The following CAST variants were observed in gnomAD, a reference collection of about 807,000 sequenced individuals.
CAST encodes the protein calpastatin, also known as MIR583 host.
A neutral mutation model predicts 119.6 loss-of-function variants in CAST; 76 were observed. The ratio of observed to expected loss-of-function variants is 0.64; its 90% CI spans 0.53 to 0.77. The LOEUF (loss-of-function observed/expected upper bound fraction) is 0.77. CAST is among the 30% of genes least tolerant of loss of function. The probability of loss-of-function intolerance (pLI) is 0.00; values close to 1 mark genes in which losing one functional copy is unlikely to be tolerated. For synonymous variants in CAST, 319 were observed against 331.6 expected (o/e 0.96, Z 0.41); for missense variants, 953 against 946.5 (o/e 1.01, Z -0.09).
the CAST span, among the ~76,000 whole-genome samples, chr5:96,226,247 C>T: frequency 6.6e-6 from 1 of 152,130 alleles, no homozygotes; most frequent in African/African-American, 2.4e-5. Flanking sequence ...GTCCACCTGG[C>T]AATTGGTCCA....
At chr5:96,405,790 A>G in the CAST span, among the ~76,000 whole-genome samples, 2 of 152,226 alleles carry the variant, frequency 1.3e-5, no homozygotes. Context: ...CAGCTCTTAC[A>G]TAAAATTGGC....
chr5:96,566,447 G>C (rs1279380020), intron 1 of CAST, among the ~76,000 whole-genome samples: 1 of 152,170 alleles, frequency 6.6e-6, no homozygotes, highest in East Asian at 1.9e-4. Flanking sequence ...ACGCAAAATT[G>C]AAGAAAACAA....
chr5:96,439,227 A>C, the CAST span, among the ~76,000 whole-genome samples: 1 of 152,178 alleles, frequency 6.6e-6, no homozygotes, highest in East Asian at 1.9e-4. Flanking sequence ...GATTAAATAT[A>C]TGTGTCTCCT....
chr5:96,332,466 G>T, the CAST span, among the ~76,000 whole-genome samples: 1 of 150,478 alleles, frequency 6.6e-6, no homozygotes. Context: ...AATTAATATT[G>T]CTTATCCTAA....
the CAST span, among the ~76,000 whole-genome samples, chr5:96,472,327 T>C: frequency 6.6e-6 from 1 of 152,202 alleles, no homozygotes; most frequent in South Asian, 2.1e-4. Context: ...CCCATGTTTA[T>C]GGAAGACATC....
the CAST span, among the ~76,000 whole-genome samples, chr5:96,367,845 G>A: frequency 1.3e-4 from 20 of 151,894 alleles, no homozygotes; most frequent in African/African-American, 3.9e-4. Flanking sequence ...ACCCACTGTC[G>A]GAAAAGCCCC....
the CAST span, among the ~76,000 whole-genome samples, chr5:96,025,227 C>G: frequency 6.6e-6 from 1 of 152,118 alleles, no homozygotes; most frequent in African/African-American, 2.4e-5. Context: ...CGGGAAAGTC[C>G]AAGATCTAGG....
chr5:96,467,161 T>C, the CAST span, among the ~76,000 whole-genome samples: 1 of 152,116 alleles, frequency 6.6e-6, no homozygotes, highest in South Asian at 2.1e-4. Flanking sequence ...TCCCTGTCTT[T>C]TCCTCATTTT....
intron 1 of CAST, among the ~76,000 whole-genome samples, chr5:96,616,352 C>T (rs1747455190): frequency 1.3e-5 from 2 of 152,110 alleles, no homozygotes; most frequent in Admixed American, 1.3e-4. Flanking sequence ...CTCCCTTAAC[C>T]CTTCTCCAGC....
Position 96,766,062 on chromosome 5 carries a change from A to G in CAST, c.2047A>G (p.Lys683Glu). 6.3e-7 allele frequency: 1 copy of G among 1,595,864 alleles called. No individual in the cohort carries two copies. The highest frequency in any genetic ancestry group is 8.6e-7 in the Non-Finnish European group (1 of 1,164,712). The change falls in exon 27 of 32, where the codon AAA becomes GAA. Residue 683 changes from lysine (K) to glutamate (E), a missense_variant. Transcript: ENST00000675179. ...PMEDKVKEKA[K>E]AEHRDKLGER... ...CTCACTGTTGATATAGGAAAAAGCTAAAGCTGAACATAGAGACAAGCTTGG... is the reference window on the plus strand; with the variant it reads ...CTCACTGTTGATATAGGAAAAAGCTGAAGCTGAACATAGAGACAAGCTTGG...
the CAST span, among the ~76,000 whole-genome samples, chr5:96,120,385 A>G: frequency 3.9e-5 from 6 of 152,086 alleles, no homozygotes; most frequent in African/African-American, 1.4e-4. Context: ...TTCCAGAGAT[A>G]TTGCCCTGTA....
chr5:96,440,267 T>C, the CAST span, among the ~76,000 whole-genome samples: 1 of 152,064 alleles, frequency 6.6e-6, no homozygotes, highest in African/African-American at 2.4e-5. Flanking sequence ...AGCTTCTCTC[T>C]TATGCCTGCC....
chr5:96,106,274 G>A, the CAST span, among the ~76,000 whole-genome samples: 2 of 152,228 alleles, frequency 1.3e-5, no homozygotes, highest in South Asian at 4.1e-4. Flanking sequence ...GCTTTTGAAT[G>A]TATTTGCTCT....
chr5:96,753,953 C>T, intron 20 of CAST, 107 bp from the exon 21 acceptor site: 2 of 682,322 alleles, frequency 2.9e-6, no homozygotes, highest in East Asian at 2.5e-5. Context: ...TAAAAGATAG[C>T]GTGTGCCTTT....
the CAST span, among the ~76,000 whole-genome samples, chr5:96,367,462 C>T: frequency 2.2e-3 from 329 of 151,256 alleles, 2 homozygotes; most frequent in African/African-American, 7.7e-3. Context: ...TGAGCTGCAG[C>T]GGGTTCCACC....
the CAST span, among the ~76,000 whole-genome samples, chr5:96,141,267 G>A: frequency 6.6e-6 from 1 of 152,138 alleles, no homozygotes; most frequent in African/African-American, 2.4e-5. Flanking sequence ...AAATAAATCA[G>A]GAGACTTTAC....
At chr5:96,359,265 T>A in the CAST span, among the ~76,000 whole-genome samples, 1 of 152,218 alleles carries the variant, frequency 6.6e-6, no homozygotes, top group Non-Finnish European at 1.5e-5. Context: ...TACAGCACAC[T>A]GATGGGTCTT....
chr5:95,963,883 T>G, the CAST span, among the ~76,000 whole-genome samples: 1 of 152,178 alleles, frequency 6.6e-6, no homozygotes. Context: ...CCACATGATA[T>G]CCTAACTTGG....
At chr5:96,105,562 G>A in the CAST span, among the ~76,000 whole-genome samples, 2 of 152,270 alleles carry the variant, frequency 1.3e-5, no homozygotes, top group South Asian at 4.1e-4. Context: ...TATTGAACCA[G>A]CCTTGCATCC....
Sources: gnomAD v4.1 joint callset for allele counts (sites outside exome capture counted in the v4.1 genomes callset) on GRCh38, gnomAD v4.1.1 for gene constraint, MANE v1.5 for transcripts, NCBI Gene and HGNC (gene_info 2026-07-23, HGNC 2026-07-21) for gene names.